The following PRUNE2 variants were observed in gnomAD, a reference collection of about 807,000 sequenced individuals.
The protein encoded by PRUNE2 is prune homolog 2 with BCH domain.
In PRUNE2, 164 loss-of-function variants were observed where a neutral mutation model predicts 252.0. The observed-to-expected ratio is 0.65, with a 90% CI of 0.57 to 0.74. The LOEUF (loss-of-function observed/expected upper bound fraction) is 0.74. Ranked by LOEUF, PRUNE2 falls within the 30% of genes least tolerant of loss-of-function variation. PRUNE2 has a pLI of 0.00. For missense variants in PRUNE2, 3,495 were observed against 3,711.0 expected, an observed-to-expected ratio of 0.94 and a Z score of 1.51; for synonymous variants, 1,292 against 1,350.2, an observed-to-expected ratio of 0.96 and a Z score of 0.94.
At chr9:76,884,848 A>C (rs916936241) in intron 1 of PRUNE2, among the ~76,000 whole-genome samples, 6 of 152,260 alleles carry the variant, frequency 3.9e-5, no homozygotes, top group Non-Finnish European at 8.8e-5. Context: ...AAGGTAACAC[A>C]GCTCCTACTT....
intron 1 of PRUNE2, among the ~76,000 whole-genome samples, chr9:76,880,195 G>C (rs1423346619): frequency 6.7e-6 from 1 of 148,774 alleles, no homozygotes; most frequent in African/African-American, 2.6e-5. Context: ...TTACAGGCGT[G>C]AGCCACCATG....
intron 9 of PRUNE2, among the ~76,000 whole-genome samples, chr9:76,668,310 T>C (rs548563811): frequency 5.7e-4 from 87 of 152,226 alleles, no homozygotes; most frequent in Non-Finnish European, 1.0e-3. Context: ...AAACACGAAA[T>C]AATTAAAAAT....
rs752311720 is a variant in PRUNE2, at chr9:76,705,153, T to C, written c.7121A>G (p.Tyr2374Cys). Residue 2374 changes from tyrosine (Y) to cysteine (C), a missense_variant, in exon 8 of 19, where the codon TAT becomes TGT. Physicochemically the swap from Tyr to Cys is radical, Grantham distance 194. Transcript: ENST00000376718. Reference protein sequence around the residue: ...DLLREPEHFLYGGDPPLEEDS... With the variant: ...DLLREPEHFLCGGDPPLEEDS... ...TTCCTCCAAAGGAGGGTCACCACCA[T>C]ACAGGAAGTGTTCAGGCTCTCTCAG... 4 of 1,614,002 alleles carry C rather than the reference T, an allele frequency of 2.5e-6. No individual in the cohort carries two copies. The highest frequency in any genetic ancestry group is 3.4e-6 in the Non-Finnish European group (4 of 1,179,896).
At chr9:76,718,804 T>G (rs946513688) in intron 6 of PRUNE2, among the ~76,000 whole-genome samples, 76 of 152,232 alleles carry the variant, frequency 5.0e-4, no homozygotes, top group African/African-American at 1.8e-3. Context: ...GTATCTCAAG[T>G]AAAATATGGC....
At chr9:76,802,769 G>A (rs34451144) in intron 6 of PRUNE2, among the ~76,000 whole-genome samples, 23,510 of 151,962 alleles carry the variant, frequency 0.15, 1,888 homozygotes, top group East Asian at 0.27. Flanking sequence ...CAAAAAAAAA[G>A]TACTAATAAT....
intron 4 of PRUNE2, among the ~76,000 whole-genome samples, chr9:76,840,193 C>T (rs1465117879): frequency 6.6e-6 from 1 of 152,216 alleles, no homozygotes; most frequent in East Asian, 1.9e-4. Context: ...AGGCACCCAA[C>T]ACTTAGCAAC....
intron 7 of PRUNE2, among the ~76,000 whole-genome samples, chr9:76,712,173 T>G (rs1003164278): frequency 1.3e-5 from 2 of 152,238 alleles, no homozygotes; most frequent in Non-Finnish European, 2.9e-5. Flanking sequence ...AGTGCTTTCA[T>G]GTGCCAGGCA....
chr9:76,706,627 AGT>A lies in PRUNE2; in HGVS notation c.5645_5646del (p.His1882LeufsTer3), dbSNP rs1417088040. ...VQGDIEPVET[H>X]YTNPFSDNHQ... ...TGGTTGTCACTAAAAGGATTAGTAT[AGT>A]GTGTTTCCACGGGCTCAATATCACC... On this transcript the variant is annotated frameshift_variant, in exon 8 of 19. Coordinates refer to ENST00000376718, the MANE Select transcript of PRUNE2 (RefSeq NM_015225.3). LOFTEE classifies it high-confidence loss of function. 34 of 1,613,852 alleles carry A rather than the reference AGT, an allele frequency of 2.1e-5. No homozygotes were observed. Among genetic ancestry groups the A allele is most frequent in the Non-Finnish European group, 2.6e-5 (31 of 1,179,886 alleles).
rs773776192 is a variant in PRUNE2 at position 76,707,757 on chromosome 9, C to T, written c.4517G>A (p.Cys1506Tyr). ...GTCAAGATTTTTGGTTATCTCAGAA[C>T]ATGTGCTGCTGACATGCACATCACT... ...IDSDVHVSST[C>Y]SEITKNLDVK... is the part of the protein sequence containing the mutation. The change falls in exon 8 of 19, where the codon TGT (cysteine) becomes TAT (tyrosine). Residue 1506 changes from cysteine to tyrosine, a missense_variant. Transcript: ENST00000376718. The T allele has an allele frequency of 1.9e-5, 30 of 1,613,558 alleles. No individual in the cohort carries two copies. In the Admixed American group the frequency reaches 4.2e-4, roughly 22 times the overall value.
chr9:76,627,771 A>T, intron 16 of PRUNE2: 2 of 273,078 alleles, frequency 7.3e-6, no homozygotes, highest in South Asian at 3.0e-5. Context: ...TTTCCGTTCC[A>T]TCTCTTCCTG....
chr9:76,747,882 G>A (rs776848073), intron 6 of PRUNE2, among the ~76,000 whole-genome samples: 27 of 151,094 alleles, frequency 1.8e-4, no homozygotes, highest in Non-Finnish European at 2.8e-4. Context: ...TGCAACCTCC[G>A]TCTCCCGGGT....
At chr9:76,695,264 C>G (rs1279597135) in intron 9 of PRUNE2, among the ~76,000 whole-genome samples, 2 of 132,118 alleles carry the variant, frequency 1.5e-5, no homozygotes, top group African/African-American at 5.1e-5. Flanking sequence ...TCTCGAACTC[C>G]TCACCTCACG....
At chr9:76,872,952 C>T (rs905767831) in intron 1 of PRUNE2, among the ~76,000 whole-genome samples, 1 of 152,010 alleles carries the variant, frequency 6.6e-6, no homozygotes, top group African/African-American at 2.4e-5. Context: ...TAGATGGACC[C>T]TTATCTAACA....
rs116584722 is a variant in PRUNE2, at chr9:76,864,963, T to C, written c.37-10755A>G. On this transcript the variant is annotated intron_variant, in intron 1 of 18. Coordinates refer to ENST00000376718, the MANE Select transcript of PRUNE2 (RefSeq NM_015225.3). ...TGTGGTCCCTGTCAACTGCAGAATATATCTGCAATTGTTTTTTGAGAAGCA... is the reference window on the plus strand; with the variant it reads ...TGTGGTCCCTGTCAACTGCAGAATACATCTGCAATTGTTTTTTGAGAAGCA... 6.2e-3 allele frequency among the ~76,000 whole-genome samples: 940 copies of C among 152,316 alleles called. 6 individuals carry two copies. The highest frequency in any genetic ancestry group is 0.021 in the African/African-American group (883 of 41,568).
intron 6 of PRUNE2, among the ~76,000 whole-genome samples, chr9:76,811,513 A>G (rs2057355233): frequency 1.3e-5 from 2 of 152,208 alleles, no homozygotes; most frequent in Non-Finnish European, 1.5e-5. Context: ...ATGAATGAAG[A>G]TAGAGGTGCT....
At chr9:76,765,833 G>A (rs1429399709) in intron 6 of PRUNE2, among the ~76,000 whole-genome samples, 1 of 152,146 alleles carries the variant, frequency 6.6e-6, no homozygotes, top group African/African-American at 2.4e-5. Flanking sequence ...GGTTAGTTTA[G>A]ATAACCTCTA....
At chr9:76,676,988 GA>G (rs1340647812) in intron 9 of PRUNE2, among the ~76,000 whole-genome samples, 1 of 152,220 alleles carries the variant, frequency 6.6e-6, no homozygotes, top group Non-Finnish European at 1.5e-5. Context: ...AATATTTTCT[GA>G]AGGTCCGATC....
intron 1 of PRUNE2, among the ~76,000 whole-genome samples, chr9:76,865,977 A>T (rs764628675): frequency 1.3e-5 from 2 of 152,304 alleles, no homozygotes; most frequent in Middle Eastern, 3.4e-3. Context: ...TTTTCTCTCA[A>T]GACAAGATTC....
Position 76,681,283 on chromosome 9 carries a change from G to A in PRUNE2, c.8276+22054C>T, listed in dbSNP as rs554148202. On this transcript the variant is annotated intron_variant, in intron 9 of 18. Coordinates refer to ENST00000376718, the MANE Select transcript of PRUNE2 (RefSeq NM_015225.3). ...AGTAGAATGGTGGTTGCCAGGGGCCGGGGAGATGGGGAAATGTTGTTTAAT... is the reference window on the plus strand; with the variant it reads ...AGTAGAATGGTGGTTGCCAGGGGCCAGGGAGATGGGGAAATGTTGTTTAAT... Among the ~76,000 whole-genome samples, 16 of 152,202 alleles carry A rather than the reference G, an allele frequency of 1.1e-4. 1 individual carries two copies. The highest frequency in any genetic ancestry group is 2.4e-4 in the African/African-American group (10 of 41,544).
Sources: allele counts gnomAD v4.1 joint callset (sites outside exome capture counted in the v4.1 genomes callset), GRCh38; gene constraint gnomAD v4.1.1; transcripts MANE v1.5; gene names NCBI Gene and HGNC (gene_info 2026-07-23, HGNC 2026-07-21).